ZFYVE16: variants seen among roughly 807,000 people sequenced by gnomAD.
The protein encoded by ZFYVE16 is zinc finger FYVE domain-containing protein 16.
A neutral mutation model predicts 138.1 loss-of-function variants in ZFYVE16; 89 were observed. That is an observed-to-expected ratio of 0.64 (90% CI 0.54 to 0.77). The LOEUF (loss-of-function observed/expected upper bound fraction) is 0.77. Ranked by LOEUF, ZFYVE16 falls within the 30% of genes least tolerant of loss-of-function variation. The pLI, the probability that ZFYVE16 is intolerant of heterozygous loss-of-function variation, is 0.00. For synonymous variants in ZFYVE16, 596 were observed against 618.3 expected (o/e 0.96, Z 0.53); for missense variants, 1,793 against 1,786.7 (o/e 1.00, Z -0.06).
intron 18 of ZFYVE16, among the ~76,000 whole-genome samples, chr5:80,475,680 C>G (rs1007179664): frequency 2.6e-5 from 4 of 152,080 alleles, no homozygotes; most frequent in African/African-American, 9.7e-5. Context: ...AGCAGACATT[C>G]TTTTTTAACA....
chr5:80,447,979 A>G (rs764980445), intron 7 of ZFYVE16, 47 bp from the exon 8 acceptor site: 12 of 1,449,008 alleles, frequency 8.3e-6, no homozygotes, highest in South Asian at 7.8e-5. Flanking sequence ...ATAGTTGAAC[A>G]GAGAATATGA....
chr5:80,447,203 G>T (rs1197857725), intron 7 of ZFYVE16, among the ~76,000 whole-genome samples: 1 of 149,334 alleles, frequency 6.7e-6, no homozygotes, highest in East Asian at 2.0e-4. Flanking sequence ...GGAGGCAGAG[G>T]TTGCAGTGAG....
chr5:80,437,380 T>C lies in ZFYVE16; in HGVS notation c.695T>C (p.Ile232Thr). The C allele has an allele frequency of 1.2e-6, 2 of 1,605,096 alleles. No homozygotes were observed. Among genetic ancestry groups the C allele is most frequent in the East Asian group, 2.2e-5 (1 of 44,826 alleles). The change falls in exon 4 of 19, where the codon ATC (isoleucine) becomes ACC (threonine). Residue 232 changes from isoleucine to threonine, a missense_variant. Coordinates refer to ENST00000505560, the MANE Select transcript of ZFYVE16 (RefSeq NM_001284236.3). ...ACAGAAAATTTAAAAGATAAAAAGA[T>C]CTTTAATCAGTTAGAATCAATTGTT... Reference protein sequence around the residue: ...SGTENLKDKKIFNQLESIVDF... With the variant: ...SGTENLKDKKTFNQLESIVDF...
In ZFYVE16 at chr5:80,457,077, G is replaced by T. The variant is rs761313420; in HGVS notation, c.3928G>T (p.Gly1310Cys). Residue 1310 changes from glycine to cysteine, a missense_variant, in exon 14 of 19, where the codon GGC (glycine) becomes TGC (cysteine). Transcript: ENST00000505560. ...IYETQANSAT[G>C]HPRKVTGASF... ...TGAAACACAGGCCAACAGTGCCACT[G>T]GCCATCCTAGAAAAGGTGAGCATCT... The T allele has an allele frequency of 6.2e-7, 1 of 1,611,348 alleles. No homozygotes were observed.
chr5:80,465,323 A>AG (rs1753570445), intron 15 of ZFYVE16, among the ~76,000 whole-genome samples: 1 of 121,114 alleles, frequency 8.3e-6, no homozygotes, highest in Non-Finnish European at 1.7e-5. Flanking sequence ...GGTTAACAAT[A>AG]TTTTTCATTT....
At position 80,438,742 on chromosome 5, in the gene ZFYVE16, C is replaced by T; in HGVS notation, c.2057C>T (p.Pro686Leu). The stretch of plus-strand genomic sequence containing the variant: ...CCCAGCACAGCAGATACCGTTGTTC[C>T]AATCACTTGTGCTATAGATTCTACA... ...SEPSTADTVV[P>L]ITCAIDSTAD... Residue 686 changes from proline to leucine, a missense_variant, in exon 4 of 19, where the codon CCA becomes CTA. By Grantham distance (98) the Pro-to-Leu change is moderately conservative. Transcript: ENST00000505560. The T allele has an allele frequency of 6.2e-7, 1 of 1,614,092 alleles. No homozygotes were observed. Among genetic ancestry groups the T allele is most frequent in the African/African-American group, 1.3e-5 (1 of 75,042 alleles).
intron 4 of ZFYVE16, among the ~76,000 whole-genome samples, chr5:80,439,301 T>C (rs939043666): frequency 6.6e-6 from 1 of 152,240 alleles, no homozygotes; most frequent in African/African-American, 2.4e-5. Flanking sequence ...CTCTCTAATA[T>C]TGACACATTA....
chr5:80,434,213 C>G lies in ZFYVE16; in HGVS notation c.66C>G (p.Asn22Lys). Residue 22 changes from asparagine to lysine, a missense_variant, in exon 3 of 19, where the codon AAC becomes AAG. By Grantham distance (94) the Asn-to-Lys change is moderately conservative. Coordinates refer to ENST00000505560, the MANE Select transcript of ZFYVE16 (RefSeq NM_001284236.3). Reference protein sequence around the residue: ...LDKLLDDFEQNPDEQDYLQDV... With the variant: ...LDKLLDDFEQKPDEQDYLQDV... ...AACTCCTTGATGATTTTGAACAGAA[C>G]CCAGGTTTGTTGATTTTCCATTTTT... is the stretch of plus-strand genomic sequence containing the variant. 1 of 1,612,842 alleles carries G rather than the reference C, an allele frequency of 6.2e-7. No homozygotes were observed. Among genetic ancestry groups the G allele is most frequent in the Non-Finnish European group, 8.5e-7 (1 of 1,179,278 alleles).
In ZFYVE16 at chr5:80,479,437, T is replaced by C. The variant is rs1239612775; in HGVS notation, c.*2060T>C. On this transcript the variant is annotated 3_prime_UTR_variant, in exon 19 of 19. Coordinates refer to ENST00000505560, the MANE Select transcript of ZFYVE16 (RefSeq NM_001284236.3). Reference sequence around the variant, plus strand: ...GTTTCTAAGCAAAAATTTCTAAAAATGATTAATTGTTCTGACAGAATTAGG... The same window carrying C: ...GTTTCTAAGCAAAAATTTCTAAAAACGATTAATTGTTCTGACAGAATTAGG... 6.6e-6 allele frequency: 1 copy of C among 152,216 alleles called. No individual in the cohort carries two copies. The highest frequency in any genetic ancestry group is 1.5e-5 in the Non-Finnish European group (1 of 68,036). 9.4% of individuals were successfully genotyped at this position (152,216 alleles called of 1,614,324 possible).
At chr5:80,471,224 C>T (rs1754341734) in intron 15 of ZFYVE16, among the ~76,000 whole-genome samples, 1 of 152,122 alleles carries the variant, frequency 6.6e-6, no homozygotes, top group African/African-American at 2.4e-5. Flanking sequence ...GGCATACTCC[C>T]TTCTGAGAAT....
chr5:80,471,977 GA>G (rs1424280315), intron 15 of ZFYVE16, among the ~76,000 whole-genome samples: 3 of 152,106 alleles, frequency 2.0e-5, no homozygotes. Flanking sequence ...GCTTGTTAAT[GA>G]GGTGTTAATA....
At chr5:80,458,620 G>A (rs886559416) in intron 14 of ZFYVE16, among the ~76,000 whole-genome samples, 7 of 152,082 alleles carry the variant, frequency 4.6e-5, no homozygotes, top group African/African-American at 1.7e-4. Flanking sequence ...TTATTGATGG[G>A]CATAATTTGT....
chr5:80,435,850 C>G (rs1459393581), intron 3 of ZFYVE16: 1 of 263,976 alleles, frequency 3.8e-6, no homozygotes, highest in African/African-American at 2.3e-5. Context: ...GCTGGGATTA[C>G]AGTTGTAAGC....
Position 80,438,143 on chromosome 5 carries a change from C to T in ZFYVE16, c.1458C>T (p.Gly486=), listed in dbSNP as rs757966798. ...TVVESQEGLS[G]THVPESSDCC... ...TAGAATCTCAAGAGGGGCTTTCTGG[C>T]ACTCATGTCCCAGAGTCTTCTGATT... Residue 486 remains glycine (G), a synonymous_variant, in exon 4 of 19, where the codon GGC becomes GGT. Coordinates refer to ENST00000505560, the MANE Select transcript of ZFYVE16 (RefSeq NM_001284236.3). 1 of 1,613,956 alleles carries T rather than the reference C, an allele frequency of 6.2e-7. No individual in the cohort carries two copies. Among genetic ancestry groups the T allele is most frequent in the African/African-American group, 1.3e-5 (1 of 75,010 alleles).
In ZFYVE16 at chr5:80,438,826, G is replaced by C; in HGVS notation, c.2141G>C (p.Gly714Ala). The change falls in exon 4 of 19, where the codon GGT (glycine) becomes GCT (alanine). Residue 714 changes from glycine to alanine, a missense_variant. Physicochemically the swap from Gly to Ala is moderately conservative, Grantham distance 60. Transcript: ENST00000505560. The stretch of plus-strand genomic sequence containing the variant: ...ATTGATATAGAAAGTAATTCTGAAG[G>C]TGGATCTAGTTTCGTAACTGCAAAT... ...NYIDIESNSE[G>A]GSSFVTANED... The C allele has an allele frequency of 6.2e-7, 1 of 1,614,088 alleles. No homozygotes were observed. Among genetic ancestry groups the C allele is most frequent in the South Asian group, 1.1e-5 (1 of 91,082 alleles).
rs1408593610 is a variant in ZFYVE16 at position 80,436,713 on chromosome 5, AT to A, written c.71-40del. On this transcript the variant is annotated intron_variant, in intron 3 of 18. Coordinates refer to ENST00000505560, the MANE Select transcript of ZFYVE16 (RefSeq NM_001284236.3). ...AAACATAATATGTTTAATAATTTTT[AT>A]TTGATTTAAGTCTCCCGAATAACAC... 12 of 1,484,814 alleles carry A rather than the reference AT, an allele frequency of 8.1e-6. No individual in the cohort carries two copies. In the Admixed American group the frequency reaches 2.2e-4, roughly 27 times the overall value. The allele number at this position is 1,484,814 out of a possible 1,614,324, so 92.0% of individuals were successfully genotyped here.
chr5:80,465,688 C>T (rs184496699), intron 15 of ZFYVE16, among the ~76,000 whole-genome samples: 15 of 152,038 alleles, frequency 9.9e-5, no homozygotes, highest in Admixed American at 7.2e-4. Context: ...TAATTATAGG[C>T]ATGAGCCACT....
intron 15 of ZFYVE16, among the ~76,000 whole-genome samples, chr5:80,472,379 G>A (rs916706986): frequency 4.0e-5 from 6 of 151,516 alleles, no homozygotes; most frequent in African/African-American, 1.2e-4. Context: ...TGAGTTCTCT[G>A]CCTGGAGATA....
intron 16 of ZFYVE16, 67 bp from the exon 17 acceptor site, chr5:80,473,682 TTCAAA>T: frequency 8.9e-7 from 1 of 1,117,672 alleles, no homozygotes; most frequent in Non-Finnish European, 1.3e-6. Context: ...ATTCCATTTG[TTCAAA>T]TCTAATAATT....
Sources: allele counts gnomAD v4.1 joint callset (sites outside exome capture counted in the v4.1 genomes callset), GRCh38; gene constraint gnomAD v4.1.1; transcripts MANE v1.5; gene names NCBI Gene and HGNC (gene_info 2026-07-23, HGNC 2026-07-21).